Variants in NEXMIF observed in about 807,000 individuals in gnomAD.
NEXMIF encodes neurite extension and migration factor, also known as XLMR protein related to neurite extension.
Under a neutral mutation model 62.1 loss-of-function variants are expected in NEXMIF, and 8 were observed. That is an observed-to-expected ratio of 0.13 (90% CI 0.08 to 0.23). The LOEUF (loss-of-function observed/expected upper bound fraction) is 0.23. NEXMIF is among the 10% of genes least tolerant of loss of function. The pLI, the probability that NEXMIF is intolerant of heterozygous loss-of-function variation, is 1.00. For missense variants in NEXMIF, 976 were observed against 1,113.3 expected (o/e 0.88, Z 1.75); for synonymous variants, 404 against 416.6 (o/e 0.97, Z 0.37).
chrX:74,873,319 C>T (rs1444848170), intron 1 of NEXMIF, among the ~76,000 whole-genome samples: 2 of 112,003 alleles, frequency 1.8e-5, no homozygotes, highest in Non-Finnish European at 3.8e-5. Context: ...AGGACATGAA[C>T]TCATCATTTT....
intron 1 of NEXMIF, among the ~76,000 whole-genome samples, chrX:74,877,650 T>C (rs1218868078): frequency 9.0e-6 from 1 of 111,659 alleles, no homozygotes; most frequent in African/African-American, 3.3e-5. Context: ...GATTTGGTCT[T>C]TTCACATAGT....
intron 1 of NEXMIF, among the ~76,000 whole-genome samples, chrX:74,809,363 G>C (rs1422986716): frequency 8.9e-6 from 1 of 112,261 alleles, no homozygotes; most frequent in Non-Finnish European, 1.9e-5. Context: ...AAAGGCAACT[G>C]TCTACTTTAG....
At chrX:74,803,197 C>G (rs1460732294) in intron 1 of NEXMIF, among the ~76,000 whole-genome samples, 2 of 111,511 alleles carry the variant, frequency 1.8e-5, no homozygotes, top group Admixed American at 1.9e-4. Context: ...AATGTATCAA[C>G]ATTTAAGTGC....
chrX:74,914,692 C>T (rs754725381), intron 1 of NEXMIF, among the ~76,000 whole-genome samples: 204 of 111,470 alleles, frequency 1.8e-3, no homozygotes, highest in Middle Eastern at 4.6e-3. Flanking sequence ...CTCAAACAAA[C>T]AAACAAACAA....
Position 74,872,932 on chromosome X carries a change from TTTTTTATTTTTTTAG to T in NEXMIF, c.-48+51936_-48+51950del, listed in dbSNP as rs1264710321. Among the ~76,000 whole-genome samples the T allele has an allele frequency of 1.7e-4, 19 of 110,637 alleles. No individual in the cohort carries two copies. The East Asian group carries it at 2.0e-3, about 11-fold the overall frequency. ...TGTAGTGCAATGCCTTATTTTTTTATTTTTTATTTTTTTAGTTTTTATTTTTTTTAAAATTGTTTT... is the reference window on the plus strand; with the variant it reads ...TGTAGTGCAATGCCTTATTTTTTTATTTTTTATTTTTTTTAAAATTGTTTT... On this transcript the variant is annotated intron_variant, in intron 1 of 3. Coordinates refer to ENST00000055682, the MANE Select transcript of NEXMIF (RefSeq NM_001008537.3).
In NEXMIF at chrX:74,740,340, G is replaced by T. The variant is rs775633155; in HGVS notation, c.4217C>A (p.Ala1406Glu). The T allele has an allele frequency of 6.6e-6, 8 of 1,211,725 alleles. No individual in the cohort carries two copies. In the Admixed American group the frequency reaches 1.7e-4, roughly 26 times the overall value. ...GTTTGCACGACCAGGATCACCTATT[G>T]CTGTTTTCCCATTGCTTTTGCTCAC... is the stretch of plus-strand genomic sequence containing the variant. Reference protein sequence around the residue: ...KGVSKSNGKTAIGDPGRANMP... With the variant: ...KGVSKSNGKTEIGDPGRANMP... The change falls in exon 3 of 4, where the codon GCA becomes GAA. Residue 1406 changes from alanine (A) to glutamate (E), a missense_variant. By Grantham distance (107) the Ala-to-Glu change is moderately radical (BLOSUM62 -1). Around this residue, in one of 5 missense-constraint regions of NEXMIF, gnomAD observed 137 missense variants for 128.9 expected, o/e 1.06. Transcript: ENST00000055682.
chrX:74,760,649 G>C (rs1226399311), intron 1 of NEXMIF, among the ~76,000 whole-genome samples: 1 of 110,914 alleles, frequency 9.0e-6, no homozygotes. Flanking sequence ...GATAATCATG[G>C]GGTTTTTGTC....
At chrX:74,902,682 C>A (rs987892674) in intron 1 of NEXMIF, among the ~76,000 whole-genome samples, 8 of 111,749 alleles carry the variant, frequency 7.2e-5, no homozygotes, top group African/African-American at 2.6e-4. Flanking sequence ...GGCCTGCCAT[C>A]CTCCTGGGTC....
At chrX:74,827,354 C>A (rs2080421909) in intron 1 of NEXMIF, among the ~76,000 whole-genome samples, 1 of 111,887 alleles carries the variant, frequency 8.9e-6, no homozygotes, top group African/African-American at 3.2e-5. Flanking sequence ...TCACTACCAC[C>A]TTCTAATTCC....
chrX:74,817,509 A>C (rs2080379843), intron 1 of NEXMIF, among the ~76,000 whole-genome samples: 1 of 112,303 alleles, frequency 8.9e-6, no homozygotes, highest in African/African-American at 3.2e-5. Flanking sequence ...CATCTAAACT[A>C]AAGTTGCATT....
chrX:74,815,344 A>C (rs1312364851), intron 1 of NEXMIF, among the ~76,000 whole-genome samples: 1 of 111,294 alleles, frequency 9.0e-6, no homozygotes, highest in Non-Finnish European at 1.9e-5. Flanking sequence ...TTTTCCCCTA[A>C]ATCTAGTACA....
intron 1 of NEXMIF, among the ~76,000 whole-genome samples, chrX:74,834,556 G>A (rs2080450021): frequency 1.8e-5 from 2 of 111,496 alleles, no homozygotes; most frequent in African/African-American, 6.5e-5. Flanking sequence ...ATGCTTGAAG[G>A]ATATTTTCAC....
chrX:74,788,354 T>C (rs2080267218), intron 1 of NEXMIF, among the ~76,000 whole-genome samples: 1 of 111,919 alleles, frequency 8.9e-6, no homozygotes, highest in Admixed American at 9.5e-5. Context: ...GGTTTGATCA[T>C]TAATAATCAT....
chrX:74,851,575 T>C (rs1418499348), intron 1 of NEXMIF, among the ~76,000 whole-genome samples: 1 of 105,959 alleles, frequency 9.4e-6, no homozygotes, highest in East Asian at 2.9e-4. Flanking sequence ...GATGACATCT[T>C]CAAAGTGCTT....
At chrX:74,906,147 C>T (rs558050306) in intron 1 of NEXMIF, among the ~76,000 whole-genome samples, 1 of 109,417 alleles carries the variant, frequency 9.1e-6, no homozygotes, top group African/African-American at 3.3e-5. Context: ...GTGGCACACG[C>T]CTGTAATGCC....
At chrX:74,842,459 T>C (rs752360661) in intron 1 of NEXMIF, among the ~76,000 whole-genome samples, 1 of 112,048 alleles carries the variant, frequency 8.9e-6, no homozygotes, top group South Asian at 3.7e-4. Flanking sequence ...ATTTTTCATG[T>C]CTCAATTTCC....
chrX:74,904,934 C>T (rs1056842161), intron 1 of NEXMIF, among the ~76,000 whole-genome samples: 12 of 111,434 alleles, frequency 1.1e-4, no homozygotes, highest in Admixed American at 1.9e-4. Flanking sequence ...GGCAGAACCA[C>T]TAGGTTAGCC....
At chrX:74,820,024 C>A (rs1389884577) in intron 1 of NEXMIF, among the ~76,000 whole-genome samples, 5 of 111,407 alleles carry the variant, frequency 4.5e-5, no homozygotes, top group Admixed American at 1.9e-4. Flanking sequence ...AGGATGAGTT[C>A]ATGTCCTTTG....
intron 1 of NEXMIF, among the ~76,000 whole-genome samples, chrX:74,767,720 G>A (rs1454439210): frequency 2.7e-5 from 3 of 111,809 alleles, no homozygotes; most frequent in Non-Finnish European, 5.7e-5. Context: ...AGTAGGGTGA[G>A]GGACCCATGT....
Sources: allele counts gnomAD v4.1 joint callset (sites outside exome capture counted in the v4.1 genomes callset), GRCh38; gene constraint gnomAD v4.1.1; regional missense constraint gnomAD v4.1.1; transcripts MANE v1.5; gene names NCBI Gene and HGNC (gene_info 2026-07-23, HGNC 2026-07-21).